Variants in PPAT observed in about 807,000 individuals in gnomAD.
PPAT encodes the protein phosphoribosyl pyrophosphate amidotransferase.
Under a neutral mutation model 60.2 loss-of-function variants are expected in PPAT, and 20 were observed. The ratio of observed to expected loss-of-function variants is 0.33; its 90% confidence interval spans 0.23 to 0.48. The LOEUF is 0.48. Ranked by LOEUF, PPAT falls within the 20% of genes least tolerant of loss-of-function variation. The pLI, the probability that PPAT is intolerant of heterozygous loss-of-function variation, is 0.99. For missense variants in PPAT, 349 were observed against 629.6 expected (o/e 0.55, Z 4.77); for synonymous variants, 194 against 215.1 (o/e 0.90, Z 0.86).
At chr4:56,414,956 A>T (rs1441250254) in intron 1 of PPAT, among the ~76,000 whole-genome samples, 1 of 152,248 alleles carries the variant, frequency 6.6e-6, no homozygotes, top group Non-Finnish European at 1.5e-5. Context: ...TTATAAAAAT[A>T]CAACTGTGCC....
rs1439934156 is a variant in PPAT, at chr4:56,396,106, G to A, written c.1357+513C>T. Among the ~76,000 whole-genome samples, 1 of 152,198 alleles carries A rather than the reference G, an allele frequency of 6.6e-6. No homozygotes were observed. The highest frequency in any genetic ancestry group is 1.5e-5 in the Non-Finnish European group (1 of 68,034). Reference sequence around the variant, plus strand: ...AAGAAACACCAGCCACAAACAGATGGTGTGGAGGTACCAAGGCACAATGAC... The same window carrying A: ...AAGAAACACCAGCCACAAACAGATGATGTGGAGGTACCAAGGCACAATGAC... On this transcript the variant is annotated intron_variant, in intron 10 of 10. Transcript: ENST00000264220. The surrounding 1 kb of genome is among the most constrained non-coding windows in gnomAD (Gnocchi z 4.6).
At chr4:56,424,922 C>T (rs2110062965) in intron 1 of PPAT, among the ~76,000 whole-genome samples, 1 of 152,278 alleles carries the variant, frequency 6.6e-6, no homozygotes, top group South Asian at 2.1e-4. Context: ...TGGAGTCAAG[C>T]ATACTTAAAT....
At chr4:56,408,883 A>G (rs1034042372) in intron 1 of PPAT, among the ~76,000 whole-genome samples, 4 of 152,298 alleles carry the variant, frequency 2.6e-5, no homozygotes, top group East Asian at 1.9e-4. Context: ...ACCACCACCT[A>G]TAACAATCAA....
chr4:56,410,775 A>G, intron 1 of PPAT: 1 of 987,420 alleles, frequency 1.0e-6, no homozygotes, highest in Non-Finnish European at 1.2e-6. Context: ...AAAACTATGA[A>G]GTTCTTCCAT....
intron 9 of PPAT, among the ~76,000 whole-genome samples, chr4:56,397,388 G>A (rs570535060): frequency 6.6e-6 from 1 of 152,114 alleles, no homozygotes; most frequent in South Asian, 2.1e-4. Context: ...GAATTCCAGA[G>A]TAAGATGATC....
chr4:56,426,688 G>A (rs1717307466), intron 1 of PPAT, among the ~76,000 whole-genome samples: 1 of 152,064 alleles, frequency 6.6e-6, no homozygotes, highest in South Asian at 2.1e-4. Flanking sequence ...ACAGACATTT[G>A]GGTCACTGCC....
intron 1 of PPAT, chr4:56,410,890 C>T (rs1716419167): frequency 1.2e-6 from 1 of 839,248 alleles, no homozygotes; most frequent in Non-Finnish European, 1.4e-6. Context: ...CCCCAGAGAC[C>T]ACTGAAGGTA....
At chr4:56,405,295 T>G (rs1716217881) in intron 3 of PPAT, among the ~76,000 whole-genome samples, 1 of 152,236 alleles carries the variant, frequency 6.6e-6, no homozygotes, top group Non-Finnish European at 1.5e-5. Flanking sequence ...TACTCCATTT[T>G]ATTTTTATGC....
intron 3 of PPAT, among the ~76,000 whole-genome samples, chr4:56,405,210 T>C (rs1716216056): frequency 6.6e-6 from 1 of 152,146 alleles, no homozygotes; most frequent in Non-Finnish European, 1.5e-5. Flanking sequence ...AAGTAAACAG[T>C]CTCCGTCCCT....
intron 1 of PPAT, among the ~76,000 whole-genome samples, chr4:56,427,389 A>G (rs546395964): frequency 1.3e-5 from 2 of 152,346 alleles, no homozygotes; most frequent in Non-Finnish European, 2.9e-5. Flanking sequence ...TTGCTTGGTC[A>G]TATGGCATAT....
intron 1 of PPAT, among the ~76,000 whole-genome samples, chr4:56,430,728 C>A (rs938663958): frequency 2.7e-5 from 4 of 149,874 alleles, no homozygotes; most frequent in African/African-American, 9.8e-5. Context: ...TAAGGGTTAA[C>A]CGCACAAGAG....
rs751132349 is a variant in PPAT at position 56,407,727 on chromosome 4, A to C, written c.129-11T>G. On this transcript the variant is annotated splice_polypyrimidine_tract_variant and intron_variant, in intron 1 of 10. Coordinates refer to ENST00000264220, the MANE Select transcript of PPAT (RefSeq NM_002703.5). ...GCACTCTCCTGACCCCTGTGAATAT[A>C]AAAAGATATTAGCTGTTAAATCTGC... The C allele has an allele frequency of 6.3e-7, 1 of 1,586,950 alleles. No individual in the cohort carries two copies. Among genetic ancestry groups the C allele is most frequent in the Non-Finnish European group, 8.7e-7 (1 of 1,155,068 alleles).
Position 56,393,854 on chromosome 4 carries a change from G to A in PPAT, c.*1498C>T, listed in dbSNP as rs2110034951. ...GCTACGCATGTTGAGGTGGTCCCAG[G>A]GCTTTATTCAAATGCCAATTTGCCC... On this transcript the variant is annotated 3_prime_UTR_variant, in exon 11 of 11. Coordinates refer to ENST00000264220, the MANE Select transcript of PPAT (RefSeq NM_002703.5). The A allele has an allele frequency of 6.6e-6, 1 of 152,518 alleles. No homozygotes were observed. Among genetic ancestry groups the A allele is most frequent in the East Asian group, 1.9e-4 (1 of 5,186 alleles). The allele number at this position is 152,518 out of a possible 1,614,324, so 9.4% of individuals were successfully genotyped here. A position where few individuals can be genotyped will look rare whatever the true frequency, so the allele number is the denominator to read the frequency against.
intron 1 of PPAT, among the ~76,000 whole-genome samples, chr4:56,427,188 T>C (rs570614750): frequency 6.6e-6 from 1 of 152,370 alleles, no homozygotes; most frequent in South Asian, 2.1e-4. Flanking sequence ...GCTATGAATG[T>C]GGATGTATAA....
At chr4:56,431,900 T>C (rs757780411) in intron 1 of PPAT, among the ~76,000 whole-genome samples, 1 of 152,168 alleles carries the variant, frequency 6.6e-6, no homozygotes, top group Non-Finnish European at 1.5e-5. Context: ...GGCATGAACA[T>C]ACCCACACAC....
At chr4:56,411,732 T>A (rs1377167004) in intron 1 of PPAT, among the ~76,000 whole-genome samples, 1 of 152,240 alleles carries the variant, frequency 6.6e-6, no homozygotes, top group Non-Finnish European at 1.5e-5. Flanking sequence ...CGTTTAGTAA[T>A]GCGAAACCTC....
At chr4:56,410,405 T>C (rs2110043541) in intron 1 of PPAT, 1 of 449,520 alleles carries the variant, frequency 2.2e-6, no homozygotes, top group South Asian at 9.4e-5. Flanking sequence ...CTTGAACCAG[T>C]TAAACTACAT....
intron 1 of PPAT, among the ~76,000 whole-genome samples, chr4:56,432,358 T>A (rs1717630637): frequency 6.6e-6 from 1 of 151,948 alleles, no homozygotes; most frequent in South Asian, 2.1e-4. Context: ...TGAAACCCCG[T>A]CTCTGCTAAA....
chr4:56,422,189 CT>C (rs1184720420), intron 1 of PPAT: 1 of 152,022 alleles, frequency 6.6e-6, no homozygotes, highest in Admixed American at 6.6e-5. Flanking sequence ...AATGAGAATC[CT>C]TGGAACCTGG....
Sources: gnomAD v4.1 joint callset for allele counts (sites outside exome capture counted in the v4.1 genomes callset) on GRCh38, gnomAD v4.1.1 for gene constraint, Gnocchi (gnomAD v3.1) non-coding constraint, MANE v1.5 for transcripts, NCBI Gene and HGNC (gene_info 2026-07-23, HGNC 2026-07-21) for gene names.